CRADD: variants seen among roughly 807,000 people sequenced by gnomAD.
CRADD encodes death domain-containing protein CRADD.
A neutral mutation model predicts 15.5 loss-of-function variants in CRADD; 9 were observed. The observed-to-expected ratio is 0.58, with a 90% CI of 0.35 to 1.01. The LOEUF (loss-of-function observed/expected upper bound fraction) is 1.01. Among genes scored for constraint, CRADD ranks in the 50% least tolerant of loss-of-function variants. The pLI is 0.02. For synonymous variants in CRADD, 118 were observed against 107.6 expected (o/e 1.10, Z -0.60); for missense variants, 227 against 250.3 (o/e 0.91, Z 0.63).
intron 2 of CRADD, among the ~76,000 whole-genome samples, chr12:93,883,250 T>C (rs934907351): frequency 6.6e-6 from 1 of 152,246 alleles, no homozygotes; most frequent in Non-Finnish European, 1.5e-5. Flanking sequence ...ACTTCTCTTT[T>C]ATTTCCACAT....
At chr12:93,861,880 A>G (rs1394223340) in intron 2 of CRADD, among the ~76,000 whole-genome samples, 1 of 152,102 alleles carries the variant, frequency 6.6e-6, no homozygotes, top group Admixed American at 6.5e-5. Context: ...CCCGACCCAA[A>G]TCTCACCTTG....
chr12:93,820,343 C>T (rs1049278781), intron 2 of CRADD, among the ~76,000 whole-genome samples: 1 of 151,914 alleles, frequency 6.6e-6, no homozygotes. Flanking sequence ...AGATAGAGAC[C>T]ATCCTGGCTA....
intron 2 of CRADD, among the ~76,000 whole-genome samples, chr12:93,712,301 G>C (rs911209783): frequency 6.6e-6 from 1 of 152,136 alleles, no homozygotes; most frequent in African/African-American, 2.4e-5. Flanking sequence ...ACCTGAAATT[G>C]TCCTGCTTAG....
intron 2 of CRADD, among the ~76,000 whole-genome samples, chr12:93,790,912 G>GATACACACACAC (rs1957341371): frequency 6.9e-6 from 1 of 144,740 alleles, no homozygotes; most frequent in Non-Finnish European, 1.5e-5. Context: ...CCATATACAT[G>GATACACACACAC]ACACACACAC....
chr12:93,760,937 A>ACC lies in CRADD; in HGVS notation c.298+81866_298+81867insCC, dbSNP rs1414371868. 2.2e-3 allele frequency among the ~76,000 whole-genome samples: 340 copies of ACC among 152,066 alleles called. 1 individual carries two copies. Among genetic ancestry groups the ACC allele is most frequent in the African/African-American group, 7.6e-3 (314 of 41,494 alleles). ...AACCTAAGTGATGATCAAGGGGAAG[A>ACC]CTGGTTCAAGCAGAGGGGCCTGTAA... On this transcript the variant is annotated intron_variant, in intron 2 of 2. Transcript: ENST00000332896.
chr12:93,684,146 T>G (rs927362344), intron 2 of CRADD, among the ~76,000 whole-genome samples: 2 of 152,172 alleles, frequency 1.3e-5, no homozygotes, highest in Non-Finnish European at 2.9e-5. Context: ...TCCAGATCAG[T>G]TGAGGGCATT....
intron 2 of CRADD, among the ~76,000 whole-genome samples, chr12:93,889,805 G>A (rs887834135): frequency 8.5e-5 from 13 of 152,204 alleles, no homozygotes; most frequent in African/African-American, 2.4e-4. Flanking sequence ...TGCTGACCCC[G>A]GAAATCATGG....
At chr12:93,746,196 T>A (rs1956747085) in intron 2 of CRADD, among the ~76,000 whole-genome samples, 1 of 152,216 alleles carries the variant, frequency 6.6e-6, no homozygotes, top group South Asian at 2.1e-4. Flanking sequence ...TAAAGAAGAT[T>A]GGGATTTTCC....
chr12:93,880,537 T>C (rs745508785), intron 2 of CRADD, among the ~76,000 whole-genome samples: 1 of 152,192 alleles, frequency 6.6e-6, no homozygotes, highest in African/African-American at 2.4e-5. Flanking sequence ...TTGCTTCTTC[T>C]AACATTTTTC....
At chr12:93,792,694 A>C (rs1957362997) in intron 2 of CRADD, among the ~76,000 whole-genome samples, 1 of 152,182 alleles carries the variant, frequency 6.6e-6, no homozygotes, top group South Asian at 2.1e-4. Flanking sequence ...ACTCATTTAA[A>C]TATATGAAGT....
chr12:93,804,174 C>T (rs1347893359), intron 2 of CRADD, among the ~76,000 whole-genome samples: 1 of 152,020 alleles, frequency 6.6e-6, no homozygotes, highest in Non-Finnish European at 1.5e-5. Flanking sequence ...AAAATACATA[C>T]ATCTGTAGAG....
intron 2 of CRADD, among the ~76,000 whole-genome samples, chr12:93,759,424 G>GA (rs34527756): frequency 2.3e-4 from 34 of 150,488 alleles, no homozygotes; most frequent in African/African-American, 6.4e-4. Flanking sequence ...CTCGAGAAAG[G>GA]AAAAAAAAAA....
At chr12:93,776,780 A>G (rs1413259895) in intron 2 of CRADD, among the ~76,000 whole-genome samples, 6 of 152,242 alleles carry the variant, frequency 3.9e-5, no homozygotes, top group Non-Finnish European at 8.8e-5. Context: ...TAAGTGAAGT[A>G]AGCCAGTCAT....
rs746518387 is a variant in CRADD, at chr12:93,850,104, A to G, written c.433A>G (p.Ile145Val). 6 of 1,613,918 alleles carry G rather than the reference A, an allele frequency of 3.7e-6. No individual in the cohort carries two copies. In the African/African-American group the frequency reaches 4.0e-5, roughly 11 times the overall value. The stretch of plus-strand genomic sequence containing the variant: ...GTCTCTGGGACTGTCCCAGACGGAT[A>G]TCTACCGCTGTAAGGCCAACCACCC... ...VLSLGLSQTD[I>V]YRCKANHPHN... Residue 145 changes from isoleucine to valine, a missense_variant, in exon 3 of 3, where the codon ATC becomes GTC. Ile to Val is a conservative substitution (Grantham distance 29, BLOSUM62 3). Transcript: ENST00000332896. The surrounding 1 kb of genome is among the most constrained non-coding windows in gnomAD (Gnocchi z 4.0).
intron 2 of CRADD, among the ~76,000 whole-genome samples, chr12:93,800,802 C>G (rs1045727085): frequency 6.6e-5 from 10 of 152,114 alleles, no homozygotes; most frequent in Non-Finnish European, 1.5e-4. Context: ...AAATGCTACT[C>G]TCTTATGAAA....
At chr12:93,774,533 C>T (rs546067235) in intron 2 of CRADD, among the ~76,000 whole-genome samples, 1 of 152,040 alleles carries the variant, frequency 6.6e-6, no homozygotes, top group African/African-American at 2.4e-5. Flanking sequence ...TTGCCCTTGC[C>T]TTTTGGAATG....
rs1327769433 is a variant in CRADD at position 93,850,628 on chromosome 12, G to T, written c.*357G>T. ...ATATATCTCATGTCATCACATTACA[G>T]GCAGGTGTCTCATATGTAAAACATT... On this transcript the variant is annotated 3_prime_UTR_variant, in exon 3 of 3. Transcript: ENST00000332896. The surrounding 1 kb of genome is among the most constrained non-coding windows in gnomAD (Gnocchi z 4.0). 1 of 937,338 alleles carries T rather than the reference G, an allele frequency of 1.1e-6. No homozygotes were observed. The highest frequency in any genetic ancestry group is 1.3e-6 in the Non-Finnish European group (1 of 785,580). 58.1% of individuals were successfully genotyped at this position (937,338 alleles called of 1,614,324 possible). A position where few individuals can be genotyped will look rare whatever the true frequency, so the allele number is the denominator to read the frequency against.
intron 2 of CRADD, among the ~76,000 whole-genome samples, chr12:93,862,538 T>C (rs1291080062): frequency 6.6e-6 from 1 of 151,990 alleles, no homozygotes; most frequent in Non-Finnish European, 1.5e-5. Flanking sequence ...GAAGTGAAGA[T>C]GGTTAGGATG....
At chr12:93,715,489 G>A (rs546598469) in intron 2 of CRADD, among the ~76,000 whole-genome samples, 2 of 152,246 alleles carry the variant, frequency 1.3e-5, no homozygotes, top group South Asian at 2.1e-4. Flanking sequence ...AAACTAGTTG[G>A]GTGAAATTTA....
Sources: allele counts gnomAD v4.1 joint callset (sites outside exome capture counted in the v4.1 genomes callset), GRCh38; gene constraint gnomAD v4.1.1; non-coding constraint Gnocchi (gnomAD v3.1); transcripts MANE v1.5; gene names NCBI Gene and HGNC (gene_info 2026-07-23, HGNC 2026-07-21).